RTTN: variants seen among roughly 807,000 people sequenced by gnomAD.
The protein encoded by RTTN is rotatin.
In RTTN, 182 loss-of-function variants were observed where a neutral mutation model predicts 269.2. The ratio of observed to expected loss-of-function variants is 0.68; its 90% CI spans 0.60 to 0.76. The LOEUF (loss-of-function observed/expected upper bound fraction) is 0.76. Ranked by LOEUF, RTTN falls within the 30% of genes least tolerant of loss-of-function variation. RTTN has a pLI of 0.00. For synonymous variants in RTTN, 1,006 were observed against 963.5 expected (o/e 1.04, Z -0.82); for missense variants, 2,545 against 2,608.6 (o/e 0.98, Z 0.53).
rs2059929940 is a variant in RTTN at position 70,128,807 on chromosome 18, A to G, written c.2955-261T>C. 1.8e-5 allele frequency: 6 copies of G among 326,456 alleles called. No homozygotes were observed. In the Admixed American group the frequency reaches 2.5e-4, roughly 13 times the overall value. The allele number at this position is 326,456 out of a possible 1,614,324, so 20.2% of individuals were successfully genotyped here. A position where few individuals can be genotyped will look rare whatever the true frequency, so the allele number is the denominator to read the frequency against. On this transcript the variant is annotated intron_variant, in intron 23 of 48. Transcript: ENST00000640769. ...ATGCTATATTAGAGTTGTTGTGGAG[A>G]TAACTAATGCTCCTTGAAGTCAGGG...
At chr18:70,101,246 A>T (rs1308082109) in intron 28 of RTTN, among the ~76,000 whole-genome samples, 1 of 152,122 alleles carries the variant, frequency 6.6e-6, no homozygotes, top group Non-Finnish European at 1.5e-5. Context: ...TATTGCCTCA[A>T]TTTCAGAGCC....
At chr18:70,103,050 C>T (rs970433879) in intron 28 of RTTN, among the ~76,000 whole-genome samples, 3 of 147,484 alleles carry the variant, frequency 2.0e-5, no homozygotes, top group East Asian at 2.1e-4. Context: ...CCAGCTGTCC[C>T]GTCTGGGAAG....
chr18:70,082,029 A>C (rs1335363810), intron 32 of RTTN, among the ~76,000 whole-genome samples: 2 of 152,150 alleles, frequency 1.3e-5, no homozygotes, highest in Non-Finnish European at 2.9e-5. Flanking sequence ...GTACATAAAA[A>C]TTGTATTGTT....
chr18:70,142,140 C>T, intron 19 of RTTN, 148 bp downstream of exon 19: 1 of 579,976 alleles, frequency 1.7e-6, no homozygotes, highest in Middle Eastern at 2.7e-4. Context: ...TCTAAAGATG[C>T]AAAAACCATT....
chr18:70,167,622 C>T (rs1208286289), intron 12 of RTTN, among the ~76,000 whole-genome samples: 1 of 151,422 alleles, frequency 6.6e-6, no homozygotes, highest in East Asian at 1.9e-4. Context: ...ACTTGAGAGG[C>T]TGAGGCGGGA....
intron 23 of RTTN, chr18:70,129,412 T>C (rs1432009463): frequency 1.3e-5 from 2 of 152,000 alleles, no homozygotes; most frequent in Admixed American, 6.6e-5. Context: ...CAAAACAGCA[T>C]GATACTAGCA....
chr18:70,151,482 A>C (rs1378493477), intron 14 of RTTN, among the ~76,000 whole-genome samples: 2 of 152,162 alleles, frequency 1.3e-5, no homozygotes, highest in Non-Finnish European at 2.9e-5. Flanking sequence ...ATAATGAGTT[A>C]CATGAATACT....
At chr18:70,163,348 C>T (rs2060899233) in intron 14 of RTTN, among the ~76,000 whole-genome samples, 1 of 151,380 alleles carries the variant, frequency 6.6e-6, no homozygotes, top group African/African-American at 2.4e-5. Flanking sequence ...TGCCACTGCA[C>T]TCCAGCCTGG....
Position 70,117,004 on chromosome 18 carries a change from G to T in RTTN, c.3529-2405C>A, listed in dbSNP as rs573067799. 2.1e-4 allele frequency among the ~76,000 whole-genome samples: 8 copies of T among 37,818 alleles called. No homozygotes were observed. The East Asian group carries it at 0.058, about 273-fold the overall frequency. 24.8% of individuals were successfully genotyped at this position (37,818 alleles called of 152,430 possible). ...AATATCATATTAAAAACAGATTAGA[G>T]GTGCAATAAACTCCTAAATTGCCTA... On this transcript the variant is annotated intron_variant, in intron 26 of 48. Coordinates refer to ENST00000640769, the MANE Select transcript of RTTN (RefSeq NM_173630.4).
intron 11 of RTTN, among the ~76,000 whole-genome samples, chr18:70,169,540 A>G (rs928277320): frequency 6.6e-6 from 1 of 152,228 alleles, no homozygotes; most frequent in African/African-American, 2.4e-5. Context: ...GAAATCAAGT[A>G]TAGCTATAGA....
intron 35 of RTTN, among the ~76,000 whole-genome samples, chr18:70,064,677 C>G (rs1191504733): frequency 6.6e-6 from 1 of 152,052 alleles, no homozygotes; most frequent in Non-Finnish European, 1.5e-5. Context: ...CGTAGAGTGC[C>G]AAGAATGGGG....
Position 70,205,334 on chromosome 18 carries a change from A to G in RTTN, c.32-19T>C. Reference sequence around the variant, plus strand: ...TGATGACCTGTCAACGAACGGCACAAAACTATTTTATTTCCCGACTGCAAA... The same window carrying G: ...TGATGACCTGTCAACGAACGGCACAGAACTATTTTATTTCCCGACTGCAAA... On this transcript the variant is annotated intron_variant, in intron 1 of 48. Transcript: ENST00000640769. The G allele has an allele frequency of 6.2e-7, 1 of 1,612,558 alleles. No homozygotes were observed. The highest frequency in any genetic ancestry group is 8.5e-7 in the Non-Finnish European group (1 of 1,178,750).
In RTTN at chr18:70,205,071, AT is replaced by A; in HGVS notation, c.219+56del. The A allele has an allele frequency of 3.9e-6, 6 of 1,520,946 alleles. No homozygotes were observed. The South Asian group carries it at 6.1e-5, about 16-fold the overall frequency. 94.2% of individuals were successfully genotyped at this position (1,520,946 alleles called of 1,614,324 possible). ...AACTTTCAATAAACGCTACAATTAAATGACTAAGAAACAAGTCACTCGTCTG... is the reference window on the plus strand; with the variant it reads ...AACTTTCAATAAACGCTACAATTAAAGACTAAGAAACAAGTCACTCGTCTG... On this transcript the variant is annotated intron_variant, in intron 2 of 48. Coordinates refer to ENST00000640769, the MANE Select transcript of RTTN (RefSeq NM_173630.4).
At chr18:70,009,611 A>G (rs2056307956) in intron 46 of RTTN, among the ~76,000 whole-genome samples, 2 of 152,234 alleles carry the variant, frequency 1.3e-5, no homozygotes, top group South Asian at 4.1e-4. Flanking sequence ...AACCTGTACC[A>G]GCCACTGCAA....
At chr18:70,086,515 T>C (rs976848503) in intron 32 of RTTN, 98 bp downstream of exon 32, 8 of 972,644 alleles carry the variant, frequency 8.2e-6, no homozygotes, top group African/African-American at 1.7e-5. Flanking sequence ...GTCTTGTATA[T>C]AGTTTCATCA....
At chr18:70,103,024 TGAG>T (rs1258875327) in intron 28 of RTTN, among the ~76,000 whole-genome samples, 2 of 149,300 alleles carry the variant, frequency 1.3e-5, no homozygotes, top group African/African-American at 5.0e-5. Flanking sequence ...GTCTGGGAAG[TGAG>T]GAGCGCCTCT....
At chr18:70,122,211 T>C (rs1319688426) in intron 25 of RTTN, among the ~76,000 whole-genome samples, 3 of 152,076 alleles carry the variant, frequency 2.0e-5, no homozygotes, top group Non-Finnish European at 4.4e-5. Flanking sequence ...AAATTTCTTT[T>C]TAAGTTCAGA....
intron 10 of RTTN, among the ~76,000 whole-genome samples, chr18:70,186,522 G>A (rs1046569648): frequency 1.3e-5 from 2 of 152,098 alleles, no homozygotes; most frequent in Non-Finnish European, 2.9e-5. Flanking sequence ...CGGAGACCAA[G>A]GCAGGCAGAT....
At position 70,088,058 on chromosome 18, in the gene RTTN, G is replaced by A. The variant is rs768570102; in HGVS notation, c.4233C>T (p.Ser1411=). ...TCACCACAGTTCCCCAGAGCCCACC[G>A]GAAATGTTCTGACAACTGTTTGCTA... ...VALANSCQNI[S]GGLWGTVVNI... Residue 1411 remains serine (S), a synonymous_variant, in exon 31 of 49, where the codon TCC becomes TCT. Coordinates refer to ENST00000640769, the MANE Select transcript of RTTN (RefSeq NM_173630.4). The A allele has an allele frequency of 1.5e-5, 25 of 1,613,890 alleles. No homozygotes were observed. The highest frequency in any genetic ancestry group is 8.3e-5 in the Admixed American group (5 of 59,942).
Sources: allele counts gnomAD v4.1 joint callset (sites outside exome capture counted in the v4.1 genomes callset), GRCh38; gene constraint gnomAD v4.1.1; transcripts MANE v1.5; gene names NCBI Gene and HGNC (gene_info 2026-07-23, HGNC 2026-07-21).